The following SLC45A4 variants were observed in gnomAD, a reference collection of about 807,000 sequenced individuals.
SLC45A4 encodes the protein solute carrier family 45 member 4.
SLC45A4 carries 32 observed loss-of-function variants against 63.7 expected under a neutral mutation model. The ratio of observed to expected loss-of-function variants is 0.50; its 90% confidence interval spans 0.38 to 0.67. The LOEUF (loss-of-function observed/expected upper bound fraction) is 0.67. SLC45A4 is among the 30% of genes least tolerant of loss of function. The pLI is 0.00. For synonymous variants in SLC45A4, 535 were observed against 510.0 expected, an observed-to-expected ratio of 1.05 and a Z score of -0.66; for missense variants, 1,027 against 1,157.7, an observed-to-expected ratio of 0.89 and a Z score of 1.64.
chr8:141,281,264 G>A (rs1011758635), intron 1 of SLC45A4, among the ~76,000 whole-genome samples: 2 of 152,184 alleles, frequency 1.3e-5, no homozygotes, highest in African/African-American at 2.4e-5. Context: ...ACTTGAACCC[G>A]GGAGGCGGAG....
Position 141,209,786 on chromosome 8 carries a change from T to C in SLC45A4, c.*1786A>G, listed in dbSNP as rs1439360323. ...GGCCTTTGTTGTCCTTACTTCAGAT[T>C]AGTCGAGGCTGGGATCTCAAGGGTT... On this transcript the variant is annotated 3_prime_UTR_variant, in exon 9 of 9. Transcript: ENST00000517878. 2.0e-5 allele frequency: 3 copies of C among 152,248 alleles called. No homozygotes were observed. The highest frequency in any genetic ancestry group is 4.4e-5 in the Non-Finnish European group (3 of 68,038). The allele number at this position is 152,248 out of a possible 1,614,324, so 9.4% of individuals were successfully genotyped here. A position where few individuals can be genotyped will look rare whatever the true frequency, so the allele number is the denominator to read the frequency against.
chr8:141,241,567 CAAAGAAAAAAA>C (rs147612329), intron 2 of SLC45A4, among the ~76,000 whole-genome samples: 48,141 of 151,056 alleles, frequency 0.32, 8,722 homozygotes, highest in Non-Finnish European at 0.41. Context: ...ACAATACAGT[CAAAGAAAAAAA>C]AAAGAAAAAC....
Position 141,254,288 on chromosome 8 carries a change from T to C in SLC45A4, c.-59A>G. ...TCTATCTATATAAATAATGCTTTCA[T>C]ATATCTGTAATGATAAATTAAGACG... On this transcript the variant is annotated 5_prime_UTR_variant, in exon 2 of 9. The change creates a new upstream start codon in the 5' untranslated region. Coordinates refer to ENST00000517878, the MANE Select transcript of SLC45A4 (RefSeq NM_001286646.2). The surrounding 1 kb of genome is among the most constrained non-coding windows in gnomAD (Gnocchi z 4.5). 7.0e-7 allele frequency: 1 copy of C among 1,425,044 alleles called. No homozygotes were observed. Among genetic ancestry groups the C allele is most frequent in the East Asian group, 2.5e-5 (1 of 39,868 alleles). The allele number at this position is 1,425,044 out of a possible 1,614,324, so 88.3% of individuals were successfully genotyped here. A position where few individuals can be genotyped will look rare whatever the true frequency, so the allele number is the denominator to read the frequency against.
At chr8:141,269,505 C>T (rs372050915) in intron 1 of SLC45A4, among the ~76,000 whole-genome samples, 12 of 147,992 alleles carry the variant, frequency 8.1e-5, no homozygotes, top group African/African-American at 2.3e-4. Context: ...CTGCCTGTGT[C>T]GCGTGTGTGT....
intron 1 of SLC45A4, among the ~76,000 whole-genome samples, chr8:141,289,586 G>A (rs1012603552): frequency 1.2e-4 from 19 of 152,122 alleles, no homozygotes; most frequent in Non-Finnish European, 1.8e-4. Context: ...GAGAAGAGCC[G>A]GCTGGCCTGC....
At chr8:141,228,425 A>C in intron 2 of SLC45A4, 2 of 1,421,356 alleles carry the variant, frequency 1.4e-6, no homozygotes, top group Non-Finnish European at 1.8e-6. Flanking sequence ...AGCCAGCGGG[A>C]ACATTCCGCA....
chr8:141,212,959 C>A (rs1350094457), intron 7 of SLC45A4, among the ~76,000 whole-genome samples: 3 of 152,224 alleles, frequency 2.0e-5, no homozygotes, highest in African/African-American at 7.2e-5. Flanking sequence ...CAAAGTATAA[C>A]TGCAGGTGGC....
intron 1 of SLC45A4, among the ~76,000 whole-genome samples, chr8:141,269,393 C>A (rs536742658): frequency 6.6e-6 from 1 of 152,158 alleles, no homozygotes; most frequent in Non-Finnish European, 1.5e-5. Context: ...TTAGAGCTTG[C>A]TGTGAATCTG....
At chr8:141,255,787 T>C (rs923068759) in intron 1 of SLC45A4, among the ~76,000 whole-genome samples, 19 of 151,874 alleles carry the variant, frequency 1.3e-4, no homozygotes, top group African/African-American at 4.6e-4. Flanking sequence ...GGAGGCTGGG[T>C]GGAATGAGCA....
chr8:141,288,613 G>A (rs1005337878), intron 1 of SLC45A4, among the ~76,000 whole-genome samples: 1 of 152,244 alleles, frequency 6.6e-6, no homozygotes, highest in Non-Finnish European at 1.5e-5. Flanking sequence ...AGGGACCTGT[G>A]TACTGACTAT....
At chr8:141,284,765 A>G (rs1830077536) in intron 1 of SLC45A4, among the ~76,000 whole-genome samples, 1 of 152,096 alleles carries the variant, frequency 6.6e-6, no homozygotes, top group East Asian at 1.9e-4. Flanking sequence ...CCTGGGTCCC[A>G]TGAAGAAGGA....
chr8:141,214,739 C>T (rs557738924), intron 7 of SLC45A4, among the ~76,000 whole-genome samples: 10 of 152,142 alleles, frequency 6.6e-5, no homozygotes, highest in South Asian at 2.1e-4. Context: ...GAGAGACTAG[C>T]GGAAGAGAAG....
At chr8:141,250,509 C>T (rs916432758) in intron 2 of SLC45A4, among the ~76,000 whole-genome samples, 2 of 152,070 alleles carry the variant, frequency 1.3e-5, no homozygotes, top group South Asian at 4.1e-4. Context: ...CCTCAGCCTC[C>T]CAAATAGCTG....
At chr8:141,286,243 C>T (rs1830140611) in intron 1 of SLC45A4, among the ~76,000 whole-genome samples, 1 of 152,168 alleles carries the variant, frequency 6.6e-6, no homozygotes, top group African/African-American at 2.4e-5. Context: ...TTGTGACACC[C>T]CTTCCTTCCC....
Position 141,254,083 on chromosome 8 carries a change from C to T in SLC45A4, c.147G>A (p.Met49Ile). 2 of 1,536,190 alleles carry T rather than the reference C, an allele frequency of 1.3e-6. No individual in the cohort carries two copies. The highest frequency in any genetic ancestry group is 1.7e-6 in the Non-Finnish European group (2 of 1,146,914). The change falls in exon 2 of 9, where the codon ATG (methionine) becomes ATA (isoleucine). Residue 49 changes from methionine (M) to isoleucine (I), a missense_variant. Met to Ile is a conservative substitution (Grantham distance 10). Transcript: ENST00000517878. The surrounding 1 kb of genome is among the most constrained non-coding windows in gnomAD (Gnocchi z 4.5). ...CCGCCCCGTGCATCACCCACAGGCG[C>T]ATGGGGATTCGGTCTATGGACCCCT... ...ISEGSIDRIP[M>I]RLWVMHGAVM...
intron 1 of SLC45A4, among the ~76,000 whole-genome samples, chr8:141,306,612 T>TA (rs1830905121): frequency 6.6e-6 from 1 of 152,272 alleles, no homozygotes; most frequent in Non-Finnish European, 1.5e-5. Context: ...TTACACTCCC[T>TA]AACCTGTACA....
intron 1 of SLC45A4, among the ~76,000 whole-genome samples, chr8:141,259,947 C>T (rs948119384): frequency 2.0e-5 from 3 of 152,210 alleles, no homozygotes; most frequent in African/African-American, 4.8e-5. Flanking sequence ...AACCATTCCC[C>T]ACCCCACCAG....
chr8:141,272,081 C>T (rs868253457), intron 1 of SLC45A4, among the ~76,000 whole-genome samples: 1 of 152,236 alleles, frequency 6.6e-6, no homozygotes. Context: ...CATTCCCACA[C>T]ATGTGCACGC....
At chr8:141,299,601 G>T (rs766086393) in intron 1 of SLC45A4, among the ~76,000 whole-genome samples, 4 of 152,214 alleles carry the variant, frequency 2.6e-5, no homozygotes, top group Non-Finnish European at 5.9e-5. Flanking sequence ...AGGCCCTGAT[G>T]GGGGAGGACT....
Sources: gnomAD v4.1 joint callset for allele counts (sites outside exome capture counted in the v4.1 genomes callset) on GRCh38, gnomAD v4.1.1 for gene constraint, Gnocchi (gnomAD v3.1) non-coding constraint, MANE v1.5 for transcripts, NCBI Gene and HGNC (gene_info 2026-07-23, HGNC 2026-07-21) for gene names.